CNTNAP4: variants seen among roughly 807,000 people sequenced by gnomAD.
The protein encoded by CNTNAP4 is contactin-associated protein-like 4.
A neutral mutation model predicts 148.4 loss-of-function variants in CNTNAP4; 98 were observed. The observed-to-expected ratio is 0.66, with a 90% CI of 0.56 to 0.78. The LOEUF (loss-of-function observed/expected upper bound fraction) is 0.78. CNTNAP4 is among the 30% of genes least tolerant of loss of function. CNTNAP4 has a pLI of 0.00. For missense variants in CNTNAP4, 1,935 were observed against 1,565.6 expected (o/e 1.24, Z -3.98); for synonymous variants, 730 against 565.1 (o/e 1.29, Z -4.14).
intron 2 of CNTNAP4, among the ~76,000 whole-genome samples, chr16:76,335,811 A>G (rs369682256): frequency 1.3e-5 from 2 of 152,168 alleles, no homozygotes; most frequent in Non-Finnish European, 2.9e-5. Context: ...CGAGAAGCAC[A>G]GGAGGTAGAG....
intron 3 of CNTNAP4, among the ~76,000 whole-genome samples, chr16:76,410,267 G>C (rs571240667): frequency 5.6e-4 from 85 of 151,826 alleles, no homozygotes; most frequent in African/African-American, 1.9e-3. Context: ...CAAAGATTGA[G>C]AAGATTTTTT....
At chr16:76,386,523 C>A (rs2016529216) in intron 3 of CNTNAP4, among the ~76,000 whole-genome samples, 1 of 152,128 alleles carries the variant, frequency 6.6e-6, no homozygotes. Flanking sequence ...TTATTTAGAG[C>A]AGTGAGAGCT....
chr16:76,373,823 A>G (rs2015117521), intron 3 of CNTNAP4, among the ~76,000 whole-genome samples: 1 of 146,706 alleles, frequency 6.8e-6, no homozygotes, highest in African/African-American at 2.5e-5. Flanking sequence ...TGAACTCGGG[A>G]GGTGGAGGTT....
At chr16:76,370,328 C>T (rs970306111) in intron 3 of CNTNAP4, among the ~76,000 whole-genome samples, 1 of 152,046 alleles carries the variant, frequency 6.6e-6, no homozygotes, top group African/African-American at 2.4e-5. Context: ...AAATTGTCCT[C>T]TGCGCCAGTG....
At chr16:76,280,088 G>T (rs993135621) in intron 1 of CNTNAP4, among the ~76,000 whole-genome samples, 1 of 152,042 alleles carries the variant, frequency 6.6e-6, no homozygotes, top group Non-Finnish European at 1.5e-5. Flanking sequence ...AGTCAGTCTT[G>T]ACTACCAATA....
At chr16:76,498,276 C>T (rs1488699967) in intron 14 of CNTNAP4, among the ~76,000 whole-genome samples, 1 of 152,144 alleles carries the variant, frequency 6.6e-6, no homozygotes, top group Non-Finnish European at 1.5e-5. Flanking sequence ...TCTGTAATCT[C>T]AGCTACTTGG....
intron 3 of CNTNAP4, among the ~76,000 whole-genome samples, chr16:76,370,937 G>T (rs74026747): frequency 0.051 from 7,678 of 150,880 alleles, 629 homozygotes; most frequent in African/African-American, 0.18. Flanking sequence ...GCGCTCTTCT[G>T]TCCTGGTAAT....
chr16:76,339,526 T>C (rs1964295140), intron 2 of CNTNAP4, among the ~76,000 whole-genome samples: 1 of 152,098 alleles, frequency 6.6e-6, no homozygotes, highest in South Asian at 2.1e-4. Flanking sequence ...CTAGAGAAGA[T>C]TGATGGGAAT....
chr16:76,464,625 T>C (rs368913438), intron 9 of CNTNAP4, among the ~76,000 whole-genome samples: 48 of 152,340 alleles, frequency 3.2e-4, no homozygotes, highest in African/African-American at 7.7e-4. Flanking sequence ...TCTCTCTAAA[T>C]TTAACTGCAA....
intron 7 of CNTNAP4, among the ~76,000 whole-genome samples, chr16:76,451,626 T>C (rs928067624): frequency 2.0e-5 from 3 of 151,664 alleles, no homozygotes; most frequent in Admixed American, 6.6e-5. Context: ...TGTGTGTGTG[T>C]GTGTGTGTAT....
intron 3 of CNTNAP4, among the ~76,000 whole-genome samples, chr16:76,373,897 C>CAAAAAAAAA (rs71382634): frequency 1.8e-5 from 2 of 112,074 alleles, no homozygotes; most frequent in Non-Finnish European, 3.7e-5. Flanking sequence ...CTCCATCTCA[C>CAAAAAAAAA]AAAAAAAAAA....
At chr16:76,404,979 A>G (rs1267776495) in intron 3 of CNTNAP4, among the ~76,000 whole-genome samples, 3 of 152,168 alleles carry the variant, frequency 2.0e-5, no homozygotes, top group Non-Finnish European at 4.4e-5. Flanking sequence ...ATCACATTGT[A>G]CCCCATAAAT....
At chr16:76,537,894 T>G (rs1678505690) in intron 18 of CNTNAP4, among the ~76,000 whole-genome samples, 1 of 152,144 alleles carries the variant, frequency 6.6e-6, no homozygotes, top group African/African-American at 2.4e-5. Context: ...CTTTCAACTG[T>G]AAAATTATAC....
At position 76,522,277 on chromosome 16, in the gene CNTNAP4, A is replaced by T. The variant is rs781042639; in HGVS notation, c.2755+20A>T. The T allele has an allele frequency of 6.2e-7, 1 of 1,604,378 alleles. No homozygotes were observed. Among genetic ancestry groups the T allele is most frequent in the Non-Finnish European group, 8.5e-7 (1 of 1,172,302 alleles). On this transcript the variant is annotated intron_variant, in intron 17 of 23. Transcript: ENST00000611870. ...TCGTGGGTAAGTTCTCTTTTTAAGCAATCATTTTATTGTATGATATGTGTT... is the reference window on the plus strand; with the variant it reads ...TCGTGGGTAAGTTCTCTTTTTAAGCTATCATTTTATTGTATGATATGTGTT...
At chr16:76,479,565 G>T in intron 12 of CNTNAP4, 27 bp downstream of exon 12, 1 of 1,592,066 alleles carries the variant, frequency 6.3e-7, no homozygotes, top group Non-Finnish European at 8.5e-7. Context: ...TTATTTTACA[G>T]TTAAATTTGC....
intron 3 of CNTNAP4, among the ~76,000 whole-genome samples, chr16:76,367,313 A>G (rs12926384): frequency 0.45 from 67,783 of 151,772 alleles, 15,437 homozygotes; most frequent in Admixed American, 0.53. Context: ...AAAAAGTATT[A>G]AAAGAAAATA....
At chr16:76,367,138 C>T (rs931330832) in intron 3 of CNTNAP4, among the ~76,000 whole-genome samples, 7 of 151,928 alleles carry the variant, frequency 4.6e-5, no homozygotes, top group African/African-American at 1.7e-4. Context: ...TGTCCAAATA[C>T]ATTTAGGGAT....
chr16:76,424,013 AT>A (rs1330583823), intron 3 of CNTNAP4, among the ~76,000 whole-genome samples: 2 of 152,048 alleles, frequency 1.3e-5, no homozygotes, highest in African/African-American at 4.8e-5. Context: ...CAACCTCACA[AT>A]TTTCCTTACC....
In CNTNAP4 at chr16:76,449,759, C is replaced by T. The variant is rs768552827; in HGVS notation, c.972C>T (p.Phe324=). Residue 324 remains phenylalanine, a synonymous_variant, in exon 7 of 24, where the codon TTC becomes TTT. Transcript: ENST00000611870. ...GIPAPGKSVS[F]PHRNFHGCLE... is the part of the protein sequence containing the mutation. Reference sequence around the variant, plus strand: ...CAGCACCTGGAAAATCAGTGTCATTCCCACATAGAAATTTTCATGGATGTT... The same window carrying T: ...CAGCACCTGGAAAATCAGTGTCATTTCCACATAGAAATTTTCATGGATGTT... 3.1e-6 allele frequency: 5 copies of T among 1,596,756 alleles called. No homozygotes were observed. Among genetic ancestry groups the T allele is most frequent in the Non-Finnish European group, 4.3e-6 (5 of 1,170,646 alleles).
Sources: allele counts gnomAD v4.1 joint callset (sites outside exome capture counted in the v4.1 genomes callset), GRCh38; gene constraint gnomAD v4.1.1; transcripts MANE v1.5; gene names NCBI Gene and HGNC (gene_info 2026-07-23, HGNC 2026-07-21).